The following SNX29 variants were observed in gnomAD, a reference collection of about 807,000 sequenced individuals.
The protein encoded by SNX29 is sorting nexin 29, also known as sorting nexin-29.
Under a neutral mutation model 102.1 loss-of-function variants are expected in SNX29, and 78 were observed. That is an observed-to-expected ratio of 0.76 (90% CI 0.64 to 0.92). The LOEUF is 0.92. Among genes scored for constraint, SNX29 ranks in the 40% least tolerant of loss-of-function variants. SNX29 has a pLI of 0.00. For synonymous variants in SNX29, 580 were observed against 414.5 expected, an observed-to-expected ratio of 1.40 and a Z score of -4.85; for missense variants, 1,280 against 1,061.7, an observed-to-expected ratio of 1.21 and a Z score of -2.86.
At chr16:12,392,117 A>G (rs778444435) in intron 16 of SNX29, among the ~76,000 whole-genome samples, 21 of 152,172 alleles carry the variant, frequency 1.4e-4, no homozygotes, top group Non-Finnish European at 2.4e-4. Context: ...ATAGTAGCTC[A>G]CCTGACACTT....
At chr16:12,025,650 A>G (rs548372466) in intron 3 of SNX29, among the ~76,000 whole-genome samples, 1 of 152,320 alleles carries the variant, frequency 6.6e-6, no homozygotes, top group Admixed American at 6.5e-5. Flanking sequence ...GGTGGCCTAC[A>G]ATGCTGGGAT....
chr16:12,293,685 C>G (rs2079879287), intron 15 of SNX29, among the ~76,000 whole-genome samples: 1 of 152,140 alleles, frequency 6.6e-6, no homozygotes, highest in Non-Finnish European at 1.5e-5. Context: ...ACATATTGAA[C>G]ATTTTTTACT....
At chr16:12,135,436 T>C (rs961835057) in intron 13 of SNX29, 2 of 1,113,492 alleles carry the variant, frequency 1.8e-6, no homozygotes, top group Non-Finnish European at 2.4e-6. Context: ...GTTGGGTTGC[T>C]CCATCCATGA....
At chr16:12,376,736 CAAAAAA>C (rs71408262) in intron 16 of SNX29, among the ~76,000 whole-genome samples, 1 of 77,936 alleles carries the variant, frequency 1.3e-5, no homozygotes, top group Admixed American at 1.7e-4. Flanking sequence ...GACTCTGTCT[CAAAAAA>C]AAAAAAAAAA....
At chr16:12,497,514 A>G (rs1431194472) in intron 19 of SNX29, among the ~76,000 whole-genome samples, 2 of 152,162 alleles carry the variant, frequency 1.3e-5, no homozygotes, top group Non-Finnish European at 2.9e-5. Context: ...AAGATCATGT[A>G]TTGGCTTGTG....
chr16:12,434,689 A>G (rs2085458172), intron 18 of SNX29, among the ~76,000 whole-genome samples: 1 of 152,060 alleles, frequency 6.6e-6, no homozygotes, highest in Non-Finnish European at 1.5e-5. Context: ...GGGCTTTCTT[A>G]ACTTCCTGCA....
chr16:12,141,240 T>C (rs2054856912), intron 13 of SNX29, among the ~76,000 whole-genome samples: 1 of 152,358 alleles, frequency 6.6e-6, no homozygotes, highest in Middle Eastern at 3.4e-3. Flanking sequence ...TCCGCCTACA[T>C]GAATGGCCAC....
intron 18 of SNX29, among the ~76,000 whole-genome samples, chr16:12,439,231 G>T (rs1362994605): frequency 6.6e-6 from 1 of 151,324 alleles, no homozygotes; most frequent in East Asian, 2.0e-4. Context: ...CTGAGAGACG[G>T]CTAGTGGGCC....
chr16:12,112,298 C>T (rs950037789), intron 11 of SNX29, among the ~76,000 whole-genome samples: 3 of 152,152 alleles, frequency 2.0e-5, no homozygotes, highest in African/African-American at 4.8e-5. Flanking sequence ...GCTCCTGCCC[C>T]TACCTCCCCT....
chr16:12,487,699 C>A (rs1012650858), intron 19 of SNX29, among the ~76,000 whole-genome samples: 8 of 152,196 alleles, frequency 5.3e-5, no homozygotes, highest in African/African-American at 1.2e-4. Context: ...ACTCCCCCCA[C>A]CTGTTCGCAG....
At chr16:12,330,193 G>T (rs982810224) in intron 15 of SNX29, among the ~76,000 whole-genome samples, 3 of 152,184 alleles carry the variant, frequency 2.0e-5, no homozygotes, top group African/African-American at 7.2e-5. Flanking sequence ...ACAGAGATGT[G>T]CTCAGGAAAT....
chr16:12,215,921 G>A (rs1596530968), intron 14 of SNX29, among the ~76,000 whole-genome samples: 1 of 152,238 alleles, frequency 6.6e-6, no homozygotes, highest in Admixed American at 6.5e-5. Flanking sequence ...CCTCCTGCTG[G>A]CCCATCAGGA....
At chr16:12,382,933 C>T (rs1431990071) in intron 16 of SNX29, among the ~76,000 whole-genome samples, 1 of 152,102 alleles carries the variant, frequency 6.6e-6, no homozygotes, top group African/African-American at 2.4e-5. Flanking sequence ...GTTCTCATCT[C>T]AAGAGTCTGA....
intron 19 of SNX29, among the ~76,000 whole-genome samples, chr16:12,518,673 C>T (rs1185201001): frequency 2.6e-5 from 4 of 152,158 alleles, no homozygotes; most frequent in Admixed American, 1.3e-4. Context: ...TTAAACTCCT[C>T]GAGGAAAAGG....
At position 12,059,121 on chromosome 16, in the gene SNX29, C is replaced by T. The variant is rs1475031638; in HGVS notation, c.1125-2407C>T. Among the ~76,000 whole-genome samples the T allele has an allele frequency of 5.3e-5, 8 of 152,084 alleles. No homozygotes were observed. The East Asian group carries it at 5.8e-4, about 11-fold the overall frequency. ...GCGGTGGTCCTTGGGGCTCACTTCT[C>T]GGGTTTGGAACCTCATCCTCTTGGG... On this transcript the variant is annotated intron_variant, in intron 8 of 20. Transcript: ENST00000566228.
rs544005074 is a variant in SNX29, at chr16:12,052,068, T to C, written c.970T>C (p.Trp324Arg). 1 of 1,613,956 alleles carries C rather than the reference T, an allele frequency of 6.2e-7. No homozygotes were observed. The highest frequency in any genetic ancestry group is 1.1e-5 in the South Asian group (1 of 91,078). ...CAATGGAAGTCAGAGCAGCAACTCA[T>C]GGAAAATTGATTCCCTGTCTTTGAA... ...NSNGSQSSNS[W>R]KIDSLSLNGE... The change falls in exon 8 of 21, where the codon TGG becomes CGG. Residue 324 changes from tryptophan (W) to arginine (R), a missense_variant. Coordinates refer to ENST00000566228, the MANE Select transcript of SNX29 (RefSeq NM_032167.5).
At chr16:12,551,438 C>G (rs2856783) in intron 20 of SNX29, among the ~76,000 whole-genome samples, 7,912 of 152,264 alleles carry the variant, frequency 0.052, 359 homozygotes, top group East Asian at 0.23. Flanking sequence ...ATTCGATCAC[C>G]CAGCATGCTT....
chr16:12,045,610 A>ATATTATTATTATTATTATTATTAT lies in SNX29; in HGVS notation c.429-760_429-737dup, dbSNP rs68189960. ...CAGGTCTGTAACCTAGGCAGGCATT[A>ATATTATTATTATTATTATTATTAT]TATTATTATTATTATTATTATTATT... is the stretch of plus-strand genomic sequence containing the variant. On this transcript the variant is annotated intron_variant, in intron 5 of 20. Coordinates refer to ENST00000566228, the MANE Select transcript of SNX29 (RefSeq NM_032167.5). Among the ~76,000 whole-genome samples, 135 of 127,278 alleles carry ATATTATTATTATTATTATTATTAT rather than the reference A, an allele frequency of 1.1e-3. 2 individuals carry two copies. The highest frequency in any genetic ancestry group is 1.7e-3 in the Admixed American group (21 of 12,026). 83.5% of individuals were successfully genotyped at this position (127,278 alleles called of 152,430 possible).
At position 12,164,680 on chromosome 16, in the gene SNX29, C is replaced by CTTTTTTTTT. The variant is rs34046413; in HGVS notation, c.1596-34908_1596-34900dup. ...TTCATATAAGTGTGTTTATTCATGC[C>CTTTTTTTTT]TTTTTTTTTTTTTTTTTTTTTGAGA... On this transcript the variant is annotated intron_variant, in intron 13 of 20. Coordinates refer to ENST00000566228, the MANE Select transcript of SNX29 (RefSeq NM_032167.5). Among the ~76,000 whole-genome samples the CTTTTTTTTT allele has an allele frequency of 2.2e-5, 2 of 90,606 alleles. 1 individual carries two copies. The highest frequency in any genetic ancestry group is 1.0e-4 in the African/African-American group (2 of 19,732). 59.4% of individuals were successfully genotyped at this position (90,606 alleles called of 152,430 possible).
Sources: gnomAD v4.1 joint callset for allele counts (sites outside exome capture counted in the v4.1 genomes callset) on GRCh38, gnomAD v4.1.1 for gene constraint, MANE v1.5 for transcripts, NCBI Gene and HGNC (gene_info 2026-07-23, HGNC 2026-07-21) for gene names.